PRMT1: variants seen among roughly 807,000 people sequenced by gnomAD.
The protein encoded by PRMT1 is protein arginine N-methyltransferase 1.
PRMT1 carries 5 observed loss-of-function variants against 47.4 expected under a neutral mutation model. That is an observed-to-expected ratio of 0.11 (90% CI 0.06 to 0.22). The LOEUF (loss-of-function observed/expected upper bound fraction) is 0.22, where lower values mean the gene tolerates loss of function less well. Among genes scored for constraint, PRMT1 ranks in the 10% least tolerant of loss-of-function variants. The pLI is 1.00. For missense variants in PRMT1, 249 were observed against 518.4 expected (o/e 0.48, Z 5.05); for synonymous variants, 227 against 204.6 (o/e 1.11, Z -0.94).
chr19:49,680,143 C>A lies in PRMT1; in HGVS notation c.90+218C>A, dbSNP rs550593872. 1 of 1,403,088 alleles carries A rather than the reference C, an allele frequency of 7.1e-7. No individual in the cohort carries two copies. The highest frequency in any genetic ancestry group is 9.9e-7 in the Non-Finnish European group (1 of 1,007,844). The allele number at this position is 1,403,088 out of a possible 1,614,324, so 86.9% of individuals were successfully genotyped here. On this transcript the variant is annotated intron_variant, in intron 2 of 10. Coordinates refer to ENST00000454376, the MANE Select transcript of PRMT1 (RefSeq NM_001536.6). This position sits in a 1 kb window ranked among gnomAD's most constrained non-coding sequence, Gnocchi z 4.2. Reference sequence around the variant, plus strand: ...CTTCCTTAACTCCACCTCCAACCCCCCTTTGCCCTTCCCTGTGTCTGCCCC... The same window carrying A: ...CTTCCTTAACTCCACCTCCAACCCCACTTTGCCCTTCCCTGTGTCTGCCCC...
chr19:49,686,521 G>A, intron 9 of PRMT1, 84 bp from the exon 10 acceptor site: 2 of 1,451,526 alleles, frequency 1.4e-6, no homozygotes, highest in Non-Finnish European at 1.9e-6. Context: ...CTGTCATGGG[G>A]GTGGGCATTC....
chr19:49,678,516 G>A (rs2082070288), intron 1 of PRMT1, among the ~76,000 whole-genome samples: 1 of 152,290 alleles, frequency 6.6e-6, no homozygotes, highest in South Asian at 2.1e-4. Flanking sequence ...AGGCATCCCC[G>A]CTAGCTTGGG....
Position 49,686,364 on chromosome 19 carries a change from G to A in PRMT1, c.910+121G>A, listed in dbSNP as rs1422044187. 6 of 1,372,430 alleles carry A rather than the reference G, an allele frequency of 4.4e-6. No homozygotes were observed. The African/African-American group carries it at 4.4e-5, about 10-fold the overall frequency. 85.0% of individuals were successfully genotyped at this position (1,372,430 alleles called of 1,614,324 possible). A position where few individuals can be genotyped will look rare whatever the true frequency, so the allele number is the denominator to read the frequency against. ...CATGGGGACACGCGTGTTCCAGTGT[G>A]AGCTCTGCCATGTAGCAGTCACGTG... On this transcript the variant is annotated intron_variant, in intron 9 of 10. Coordinates refer to ENST00000454376, the MANE Select transcript of PRMT1 (RefSeq NM_001536.6).
Position 49,684,155 on chromosome 19 carries a change from G to C in PRMT1, c.555+86G>C, listed in dbSNP as rs753744986. ...ACCACGCTCAATTTTTCCCACAGAC[G>C]GGACTTACTGTGGGGGCTTAGCTGC... On this transcript the variant is annotated intron_variant, in intron 6 of 10. Coordinates refer to ENST00000454376, the MANE Select transcript of PRMT1 (RefSeq NM_001536.6). The surrounding 1 kb of genome is among the most constrained non-coding windows in gnomAD (Gnocchi z 6.2). 1.3e-6 allele frequency: 2 copies of C among 1,544,642 alleles called. No individual in the cohort carries two copies. The highest frequency in any genetic ancestry group is 1.7e-5 in the Admixed American group (1 of 58,406).
At chr19:49,683,423 T>C (rs1051560122) in intron 5 of PRMT1, among the ~76,000 whole-genome samples, 2 of 151,826 alleles carry the variant, frequency 1.3e-5, no homozygotes, top group African/African-American at 4.8e-5. Context: ...GCACAGTGGC[T>C]CACGCCTGTA....
At chr19:49,677,139 A>G, upstream of PRMT1, 1 of 708,958 alleles carries the variant, frequency 1.4e-6, no homozygotes, top group Non-Finnish European at 2.0e-6. Flanking sequence ...GTATTCTCAG[A>G]CGGGCCGCCT....
rs976752440 is a variant in PRMT1 at position 49,680,704 on chromosome 19, C to T, written c.192+116C>T. 1 of 830,592 alleles carries T rather than the reference C, an allele frequency of 1.2e-6. No homozygotes were observed. Among genetic ancestry groups the T allele is most frequent in the Admixed American group, 2.1e-5 (1 of 48,128 alleles). The allele number at this position is 830,592 out of a possible 1,614,324, so 51.5% of individuals were successfully genotyped here. A position where few individuals can be genotyped will look rare whatever the true frequency, so the allele number is the denominator to read the frequency against. On this transcript the variant is annotated intron_variant, in intron 3 of 10. Coordinates refer to ENST00000454376, the MANE Select transcript of PRMT1 (RefSeq NM_001536.6). This position sits in a 1 kb window ranked among gnomAD's most constrained non-coding sequence, Gnocchi z 4.2. ...CTTCCCCTGGCCGCAGGCCGCCCCCCTGCCCCTCTGCTGCGCACTTCCTAG... is the reference window on the plus strand; with the variant it reads ...CTTCCCCTGGCCGCAGGCCGCCCCCTTGCCCCTCTGCTGCGCACTTCCTAG...
At chr19:49,677,392 G>C (rs748479388) in intron 1 of PRMT1, 76 bp downstream of exon 1, 104 of 1,286,080 alleles carry the variant, frequency 8.1e-5, no homozygotes, top group Non-Finnish European at 1.0e-4. Context: ...TGGGGAAAGG[G>C]CTCTAAGTTG....
At chr19:49,686,386 C>T (rs913958368) in intron 9 of PRMT1, 143 bp downstream of exon 9, 8 of 1,305,646 alleles carry the variant, frequency 6.1e-6, no homozygotes, top group Middle Eastern at 2.7e-4. Context: ...GTAGCAGTCA[C>T]GTGGCCTTGG....
intron 10 of PRMT1, among the ~76,000 whole-genome samples, chr19:49,687,017 G>A (rs1234240058): frequency 6.6e-6 from 1 of 152,088 alleles, no homozygotes; most frequent in Admixed American, 6.5e-5. Context: ...TCTAGACAAG[G>A]GGGTCAGTGA....
chr19:49,686,341 T>C (rs1244655869), intron 9 of PRMT1, 98 bp downstream of exon 9: 12 of 1,443,006 alleles, frequency 8.3e-6, no homozygotes, highest in Non-Finnish European at 1.0e-5. Context: ...GAAGGAACCA[T>C]GGGGACACGC....
At chr19:49,687,192 C>G (rs1015748154) in intron 10 of PRMT1, among the ~76,000 whole-genome samples, 58 of 152,170 alleles carry the variant, frequency 3.8e-4, no homozygotes, top group African/African-American at 1.3e-3. Flanking sequence ...TTGTTTTCTG[C>G]TCCCCTTTCT....
chr19:49,687,565 C>T (rs1335140429), intron 10 of PRMT1, among the ~76,000 whole-genome samples: 1 of 149,920 alleles, frequency 6.7e-6, no homozygotes, highest in Non-Finnish European at 1.5e-5. Context: ...GTGGTTGTCA[C>T]TCCGGAGAAG....
At chr19:49,686,886 T>C (rs1408934874) in intron 10 of PRMT1, among the ~76,000 whole-genome samples, 160 bp downstream of exon 10, 1 of 151,568 alleles carries the variant, frequency 6.6e-6, no homozygotes, top group East Asian at 2.0e-4. Context: ...CCTCTGCCTA[T>C]TCCCGGGTCC....
At chr19:49,686,010 G>T in intron 8 of PRMT1, 83 bp from the exon 9 acceptor site, 1 of 1,542,718 alleles carries the variant, frequency 6.5e-7, no homozygotes. Context: ...GAGGTCACAG[G>T]CCCTCTGGGA....
chr19:49,684,318 G>A lies in PRMT1; in HGVS notation c.555+249G>A, dbSNP rs948628465. Among the ~76,000 whole-genome samples, 31 of 152,100 alleles carry A rather than the reference G, an allele frequency of 2.0e-4. No individual in the cohort carries two copies. Among genetic ancestry groups the A allele is most frequent in the African/African-American group, 2.7e-4 (11 of 41,420 alleles). The stretch of plus-strand genomic sequence containing the variant: ...TCCTTAGGCCCCAGCAGGCCTCCCC[G>A]GGAGAGGTGAGGTGACGGAGAGGTG... On this transcript the variant is annotated intron_variant, in intron 6 of 10. Transcript: ENST00000454376. The surrounding 1 kb of genome is among the most constrained non-coding windows in gnomAD (Gnocchi z 6.2).
intron 5 of PRMT1, chr19:49,683,687 CAAAAAAAA>C: frequency 4.4e-6 from 1 of 225,290 alleles, no homozygotes; most frequent in South Asian, 3.5e-5. Flanking sequence ...GACTCCGTCT[CAAAAAAAA>C]AAAAAAAAAA....
In PRMT1 at chr19:49,680,329, T is replaced by C; in HGVS notation, c.91-158T>C. The C allele has an allele frequency of 1.1e-6, 1 of 950,092 alleles. No individual in the cohort carries two copies. The highest frequency in any genetic ancestry group is 1.7e-6 in the Non-Finnish European group (1 of 593,028). 58.9% of individuals were successfully genotyped at this position (950,092 alleles called of 1,614,324 possible). On this transcript the variant is annotated intron_variant, in intron 2 of 10. Transcript: ENST00000454376. The surrounding 1 kb of genome is among the most constrained non-coding windows in gnomAD (Gnocchi z 4.2). ...AAATGGGGTTGTTAGGTTTTGGGGTTCCTGGGGGGGCAAGATGGCAGGCGG... is the reference window on the plus strand; with the variant it reads ...AAATGGGGTTGTTAGGTTTTGGGGTCCCTGGGGGGGCAAGATGGCAGGCGG...
rs938909316 is a variant in PRMT1 at position 49,685,596 on chromosome 19, C to T, written c.760-497C>T. On this transcript the variant is annotated intron_variant, in intron 8 of 10. Transcript: ENST00000454376. The surrounding 1 kb of genome is among the most constrained non-coding windows in gnomAD (Gnocchi z 4.7). ...ATTTGTTGAGCTGGGATGTGTGAGC[C>T]GGGTGAAGCTGGGTGGCTGACCGGG... 167 of 1,013,204 alleles carry T rather than the reference C, an allele frequency of 1.6e-4. No homozygotes were observed. Among genetic ancestry groups the T allele is most frequent in the East Asian group, 5.2e-4 (5 of 9,618 alleles). The allele number at this position is 1,013,204 out of a possible 1,614,324, so 62.8% of individuals were successfully genotyped here.
Sources: gnomAD v4.1 joint callset for allele counts (sites outside exome capture counted in the v4.1 genomes callset) on GRCh38, gnomAD v4.1.1 for gene constraint, Gnocchi (gnomAD v3.1) non-coding constraint, MANE v1.5 for transcripts, NCBI Gene and HGNC (gene_info 2026-07-23, HGNC 2026-07-21) for gene names.